The following PLD5 variants were observed in gnomAD, a reference collection of about 807,000 sequenced individuals.
The protein encoded by PLD5 is inactive phospholipase D5.
A neutral mutation model predicts 61.1 loss-of-function variants in PLD5; 36 were observed. That is an observed-to-expected ratio of 0.59 (90% CI 0.45 to 0.78). The LOEUF (loss-of-function observed/expected upper bound fraction) is 0.78, where lower values mean the gene tolerates loss of function less well. PLD5 is among the 30% of genes least tolerant of loss of function. The pLI is 0.00. For synonymous variants in PLD5, 243 were observed against 242.8 expected, an observed-to-expected ratio of 1.00 and a Z score of -0.01; for missense variants, 515 against 644.4, an observed-to-expected ratio of 0.80 and a Z score of 2.17.
chr1:242,293,941 C>G (rs1286487775), intron 2 of PLD5, among the ~76,000 whole-genome samples: 1 of 152,182 alleles, frequency 6.6e-6, no homozygotes, highest in Non-Finnish European at 1.5e-5. Context: ...AAACCAACAG[C>G]TGGCTACTCT....
At chr1:242,103,365 C>T (rs1269969265) in intron 8 of PLD5, among the ~76,000 whole-genome samples, 2 of 152,192 alleles carry the variant, frequency 1.3e-5, no homozygotes, top group Non-Finnish European at 2.9e-5. Flanking sequence ...ATTACTCTGC[C>T]TTTATTAGCT....
intron 5 of PLD5, among the ~76,000 whole-genome samples, chr1:242,153,299 C>A (rs112370836): frequency 3.3e-5 from 5 of 150,504 alleles, no homozygotes; most frequent in Non-Finnish European, 5.9e-5. Flanking sequence ...ATTCTGTAGG[C>A]TGCCTGTTCA....
intron 1 of PLD5, among the ~76,000 whole-genome samples, chr1:242,518,759 G>A (rs1259298772): frequency 2.0e-5 from 3 of 152,170 alleles, no homozygotes; most frequent in African/African-American, 7.2e-5. Context: ...AATATGATAT[G>A]TCCCTATGAT....
chr1:242,201,278 T>G (rs769015836), intron 5 of PLD5, among the ~76,000 whole-genome samples: 6 of 152,222 alleles, frequency 3.9e-5, no homozygotes, highest in Non-Finnish European at 8.8e-5. Context: ...TAATAGATGC[T>G]TGAGCTGCAA....
intron 1 of PLD5, among the ~76,000 whole-genome samples, chr1:242,404,223 G>A (rs765137511): frequency 2.6e-5 from 4 of 152,104 alleles, no homozygotes; most frequent in Non-Finnish European, 5.9e-5. Flanking sequence ...AAAACAGGGG[G>A]ACCTAAACTA....
chr1:242,459,907 C>T (rs533926027), intron 1 of PLD5, among the ~76,000 whole-genome samples: 7 of 152,302 alleles, frequency 4.6e-5, no homozygotes, highest in East Asian at 1.9e-4. Flanking sequence ...CATCTTGCCG[C>T]GGCTCTTCTA....
intron 1 of PLD5, among the ~76,000 whole-genome samples, chr1:242,503,102 C>T (rs58729857): frequency 0.026 from 3,930 of 152,152 alleles, 169 homozygotes; most frequent in African/African-American, 0.091. Context: ...TCTGATTTCC[C>T]ACCCAATAAC....
chr1:242,446,993 T>C (rs1666569739), intron 1 of PLD5, among the ~76,000 whole-genome samples: 3 of 152,188 alleles, frequency 2.0e-5, no homozygotes, highest in Admixed American at 1.3e-4. Context: ...CTGTGTGCCT[T>C]TCCTCAATGC....
At chr1:242,404,895 T>TTTG (rs1572080578) in intron 1 of PLD5, among the ~76,000 whole-genome samples, 2 of 144,662 alleles carry the variant, frequency 1.4e-5, no homozygotes, top group East Asian at 4.1e-4. Context: ...TTTTTTTTTT[T>TTTG]TTGAGATGTA....
chr1:242,477,406 C>G (rs1019099208), intron 1 of PLD5, among the ~76,000 whole-genome samples: 4 of 152,182 alleles, frequency 2.6e-5, no homozygotes, highest in African/African-American at 9.7e-5. Context: ...ATCAGTAAAG[C>G]TGTCTTTCTA....
intron 1 of PLD5, among the ~76,000 whole-genome samples, chr1:242,362,943 T>A (rs1477010359): frequency 6.6e-6 from 1 of 152,096 alleles, no homozygotes; most frequent in African/African-American, 2.4e-5. Context: ...TTCCTTGCCA[T>A]GGCACAGAAA....
intron 1 of PLD5, among the ~76,000 whole-genome samples, chr1:242,496,450 C>T (rs1668372269): frequency 6.6e-6 from 1 of 152,170 alleles, no homozygotes; most frequent in South Asian, 2.1e-4. Context: ...TTAATAGCTT[C>T]TACCACAGCC....
Position 242,227,725 on chromosome 1 carries a change from T to C in PLD5, c.608-7610A>G, listed in dbSNP as rs569901659. 3.3e-5 allele frequency among the ~76,000 whole-genome samples: 5 copies of C among 152,296 alleles called. No individual in the cohort carries two copies. The South Asian group carries it at 1.0e-3, about 32-fold the overall frequency. On this transcript the variant is annotated intron_variant, in intron 4 of 9. Transcript: ENST00000536534. The stretch of plus-strand genomic sequence containing the variant: ...GGGTAGGGCTAAATGTCACCACCAA[T>C]TTCCTACAGTACAGATCTGTGGGGA...
chr1:242,194,590 CTATCTATCTATCTATGTATCTATCTATG>C (rs1486810276), intron 5 of PLD5, among the ~76,000 whole-genome samples: 9 of 73,390 alleles, frequency 1.2e-4, no homozygotes, highest in African/African-American at 2.6e-4. Context: ...ATCTATCTAT[CTATCTATCTATCTATGTATCTATCTATG>C]TATCTATCTA....
chr1:242,129,120 G>A (rs764831500), intron 5 of PLD5, among the ~76,000 whole-genome samples: 9 of 152,068 alleles, frequency 5.9e-5, no homozygotes, highest in Admixed American at 3.9e-4. Context: ...ACTGGGCACC[G>A]TCTCCCTGGG....
At position 242,207,872 on chromosome 1, in the gene PLD5, A is replaced by ATATATT. The variant is rs1457741845; in HGVS notation, c.735+12110_735+12115dup. ...TATATTTATATATTTATATATTTAT[A>ATATATT]TATATTTATATATTTATATATATTT... On this transcript the variant is annotated intron_variant, in intron 5 of 9. Coordinates refer to ENST00000536534, the MANE Select transcript of PLD5 (RefSeq NM_001372062.1). 4.1e-4 allele frequency among the ~76,000 whole-genome samples: 33 copies of ATATATT among 81,434 alleles called. 9 individuals carry two copies. Among genetic ancestry groups the ATATATT allele is most frequent in the African/African-American group, 2.0e-3 (32 of 16,400 alleles). 53.4% of individuals were successfully genotyped at this position (81,434 alleles called of 152,430 possible).
intron 6 of PLD5, among the ~76,000 whole-genome samples, chr1:242,121,667 A>G (rs1662368502): frequency 6.6e-6 from 1 of 152,132 alleles, no homozygotes; most frequent in Non-Finnish European, 1.5e-5. Flanking sequence ...CGCTATTCAC[A>G]ATAGCAAAGA....
chr1:242,380,983 A>G (rs1283047411), intron 1 of PLD5, among the ~76,000 whole-genome samples: 2 of 152,358 alleles, frequency 1.3e-5, no homozygotes, highest in African/African-American at 4.8e-5. Flanking sequence ...TGCGGAAGAC[A>G]GTGTGACAAT....
chr1:242,405,708 T>C (rs1203375904), intron 1 of PLD5, among the ~76,000 whole-genome samples: 2 of 151,964 alleles, frequency 1.3e-5, no homozygotes, highest in African/African-American at 4.8e-5. Context: ...TTCAAGCAAT[T>C]CTCCTGCCTC....
Sources: gnomAD v4.1 joint callset for allele counts (sites outside exome capture counted in the v4.1 genomes callset) on GRCh38, gnomAD v4.1.1 for gene constraint, MANE v1.5 for transcripts, NCBI Gene and HGNC (gene_info 2026-07-23, HGNC 2026-07-21) for gene names.